The following RBFOX1 variants were observed in gnomAD, a reference collection of about 807,000 sequenced individuals.
RBFOX1 encodes the protein RNA binding protein fox-1 homolog 1.
In RBFOX1, 8 loss-of-function variants were observed where a neutral mutation model predicts 57.7. The ratio of observed to expected loss-of-function variants is 0.14; its 90% CI spans 0.08 to 0.25. The LOEUF is 0.25. Ranked by LOEUF, RBFOX1 falls within the 10% of genes least tolerant of loss-of-function variation. RBFOX1 has a pLI of 1.00. For synonymous variants in RBFOX1, 326 were observed against 222.4 expected (o/e 1.47, Z -4.15); for missense variants, 611 against 548.5 (o/e 1.11, Z -1.14).
chr16:6,764,735 G>A (rs1456695392), intron 3 of RBFOX1, among the ~76,000 whole-genome samples: 2 of 152,038 alleles, frequency 1.3e-5, no homozygotes, highest in African/African-American at 2.4e-5. Flanking sequence ...TCAGGTGTAC[G>A]AGACCAACCT....
chr16:5,555,583 AC>A (rs1445215542), intron 2 of RBFOX1, among the ~76,000 whole-genome samples: 1 of 152,026 alleles, frequency 6.6e-6, no homozygotes, highest in Non-Finnish European at 1.5e-5. Flanking sequence ...AACCACAATT[AC>A]TTTTGCACCA....
intron 4 of RBFOX1, among the ~76,000 whole-genome samples, chr16:7,055,891 T>C (rs1466783900): frequency 2.0e-5 from 3 of 151,904 alleles, no homozygotes; most frequent in Non-Finnish European, 4.4e-5. Flanking sequence ...TCATCCTACA[T>C]GTGTGGGCTC....
At chr16:7,101,675 T>C (rs962040494) in intron 4 of RBFOX1, among the ~76,000 whole-genome samples, 4 of 152,168 alleles carry the variant, frequency 2.6e-5, no homozygotes, top group Non-Finnish European at 5.9e-5. Context: ...TTAAGGCATG[T>C]TAGGGTAGGC....
intron 3 of RBFOX1, among the ~76,000 whole-genome samples, chr16:5,740,002 A>C (rs1398389805): frequency 6.6e-6 from 1 of 152,230 alleles, no homozygotes; most frequent in Non-Finnish European, 1.5e-5. Flanking sequence ...TGTGGCCAGC[A>C]GTGGGAGGGG....
intron 3 of RBFOX1, among the ~76,000 whole-genome samples, chr16:5,810,561 G>A (rs1176713576): frequency 6.6e-6 from 1 of 152,132 alleles, no homozygotes; most frequent in African/African-American, 2.4e-5. Flanking sequence ...ATGGTGCTGG[G>A]TATATCTGTG....
chr16:5,921,422 G>T (rs755361241), intron 4 of RBFOX1, among the ~76,000 whole-genome samples: 5 of 152,254 alleles, frequency 3.3e-5, no homozygotes, highest in Admixed American at 1.3e-4. Context: ...TGGGATGTGT[G>T]GGGGGAGTAG....
At chr16:6,629,546 T>TA (rs1264457684) in intron 2 of RBFOX1, among the ~76,000 whole-genome samples, 2 of 152,194 alleles carry the variant, frequency 1.3e-5, no homozygotes, top group African/African-American at 4.8e-5. Flanking sequence ...AACGTGTAGA[T>TA]AAAAATCAAC....
At chr16:7,482,275 A>T (rs1241973012) in intron 4 of RBFOX1, among the ~76,000 whole-genome samples, 1 of 152,184 alleles carries the variant, frequency 6.6e-6, no homozygotes, top group Non-Finnish European at 1.5e-5. Context: ...ATCCTCATTA[A>T]TTCTATCTTC....
chr16:5,655,804 G>A (rs570408057), intron 3 of RBFOX1, among the ~76,000 whole-genome samples: 2 of 152,348 alleles, frequency 1.3e-5, no homozygotes, highest in Admixed American at 1.3e-4. Context: ...GTATGAATTA[G>A]GAGGAGGTGC....
intron 2 of RBFOX1, among the ~76,000 whole-genome samples, chr16:6,482,046 T>A (rs1302236410): frequency 6.6e-6 from 1 of 152,178 alleles, no homozygotes; most frequent in Non-Finnish European, 1.5e-5. Flanking sequence ...TTGTAACGAA[T>A]GTGAAAATAT....
chr16:6,880,402 C>T (rs568208483), intron 3 of RBFOX1, among the ~76,000 whole-genome samples: 9 of 152,154 alleles, frequency 5.9e-5, no homozygotes, highest in African/African-American at 1.7e-4. Flanking sequence ...CGCCCTGTTG[C>T]AGGAATGAAC....
intron 10 of RBFOX1, among the ~76,000 whole-genome samples, chr16:7,630,056 C>T (rs1296121358): frequency 1.3e-5 from 2 of 152,142 alleles, no homozygotes; most frequent in Admixed American, 6.5e-5. Context: ...ACCGTTTTCT[C>T]TAAACCTATC....
chr16:5,432,527 C>G (rs2067773982), intron 1 of RBFOX1, among the ~76,000 whole-genome samples: 1 of 144,492 alleles, frequency 6.9e-6, no homozygotes, highest in Non-Finnish European at 1.5e-5. Context: ...TCTTACCTTA[C>G]AACTGGGGAG....
chr16:5,435,533 C>T (rs2067890131), intron 1 of RBFOX1, among the ~76,000 whole-genome samples: 1 of 152,316 alleles, frequency 6.6e-6, no homozygotes, highest in Non-Finnish European at 1.5e-5. Context: ...CTTCAGTAAA[C>T]ATCTTTCTAG....
chr16:6,499,097 C>T (rs2095849932), intron 2 of RBFOX1, among the ~76,000 whole-genome samples: 2 of 152,204 alleles, frequency 1.3e-5, no homozygotes, highest in African/African-American at 2.4e-5. Flanking sequence ...CTCCGTGGAG[C>T]ACTTTTCAGG....
chr16:7,518,887 A>T (rs978332280), intron 5 of RBFOX1, among the ~76,000 whole-genome samples: 1 of 152,090 alleles, frequency 6.6e-6, no homozygotes, highest in African/African-American at 2.4e-5. Context: ...GCTGAGTGTC[A>T]TGGTGCATGC....
At chr16:6,767,237 G>A (rs1216212405) in intron 3 of RBFOX1, among the ~76,000 whole-genome samples, 2 of 152,014 alleles carry the variant, frequency 1.3e-5, no homozygotes, top group African/African-American at 2.4e-5. Flanking sequence ...CACAGGGACT[G>A]GCTCCTAGAT....
intron 2 of RBFOX1, among the ~76,000 whole-genome samples, chr16:5,544,599 A>AC (rs1477157821): frequency 2.0e-5 from 3 of 152,188 alleles, no homozygotes; most frequent in Non-Finnish European, 4.4e-5. Flanking sequence ...AATAAAACCA[A>AC]CAGCTAGTTC....
chr16:6,932,742 A>G (rs941803638), intron 3 of RBFOX1, among the ~76,000 whole-genome samples: 3 of 152,198 alleles, frequency 2.0e-5, no homozygotes, highest in Non-Finnish European at 4.4e-5. Flanking sequence ...TGTGTGAAAT[A>G]AATACAATGT....
Sources: allele counts gnomAD v4.1 joint callset (sites outside exome capture counted in the v4.1 genomes callset), GRCh38; gene constraint gnomAD v4.1.1; transcripts MANE v1.5; gene names NCBI Gene and HGNC (gene_info 2026-07-23, HGNC 2026-07-21).